Variants in IPO8 observed in about 807,000 individuals in gnomAD.
The protein encoded by IPO8 is importin-8.
Under a neutral mutation model 141.2 loss-of-function variants are expected in IPO8, and 65 were observed. That is an observed-to-expected ratio of 0.46 (90% CI 0.38 to 0.57). The LOEUF (loss-of-function observed/expected upper bound fraction) is 0.57, where lower values mean the gene tolerates loss of function less well. Among genes scored for constraint, IPO8 ranks in the 20% least tolerant of loss-of-function variants. The pLI is 0.00. For missense variants in IPO8, 980 were observed against 1,246.8 expected (o/e 0.79, Z 3.22); for synonymous variants, 411 against 420.3 (o/e 0.98, Z 0.27).
chr12:30,673,088 C>T (rs1202054317), intron 8 of IPO8, among the ~76,000 whole-genome samples: 4 of 152,090 alleles, frequency 2.6e-5, no homozygotes, highest in Non-Finnish European at 5.9e-5. Context: ...GAAACCCCAC[C>T]TCTACCCAAA....
At chr12:30,658,407 C>A (rs1284014739) in intron 16 of IPO8, among the ~76,000 whole-genome samples, 1 of 152,150 alleles carries the variant, frequency 6.6e-6, no homozygotes, top group Non-Finnish European at 1.5e-5. Context: ...CTTGGTAAAG[C>A]CATTTAGCTG....
At chr12:30,650,413 G>A (rs2052709985) in intron 19 of IPO8, among the ~76,000 whole-genome samples, 1 of 152,054 alleles carries the variant, frequency 6.6e-6, no homozygotes, top group South Asian at 2.1e-4. Flanking sequence ...ATAGTGAGCT[G>A]AATGATAAGC....
chr12:30,632,040 A>G (rs753103872), intron 23 of IPO8, 29 bp from the exon 24 acceptor site: 2 of 1,445,998 alleles, frequency 1.4e-6, no homozygotes, highest in Non-Finnish European at 1.9e-6. Context: ...AAAAGACAGG[A>G]GGGTACAGCG....
chr12:30,695,080 T>C lies in IPO8; in HGVS notation c.84+484A>G. On this transcript the variant is annotated intron_variant, in intron 1 of 24. Coordinates refer to ENST00000256079, the MANE Select transcript of IPO8 (RefSeq NM_006390.4). The surrounding 1 kb of genome is among the most constrained non-coding windows in gnomAD (Gnocchi z 4.2). The stretch of plus-strand genomic sequence containing the variant: ...CCAGCGCTCCGCAAAACTCGGCCAA[T>C]CGGTGTCAAAACAGTCCTGCCAACC... 2.2e-6 allele frequency: 1 copy of C among 455,324 alleles called. No homozygotes were observed. The highest frequency in any genetic ancestry group is 1.6e-5 in the South Asian group (1 of 64,188). The allele number at this position is 455,324 out of a possible 1,614,324, so 28.2% of individuals were successfully genotyped here.
chr12:30,638,988 G>T (rs2052541415), intron 21 of IPO8, among the ~76,000 whole-genome samples: 1 of 152,062 alleles, frequency 6.6e-6, no homozygotes, highest in Non-Finnish European at 1.5e-5. Context: ...TCCTATTTTT[G>T]AAAACTAGGA....
Position 30,630,780 on chromosome 12 carries a change from C to A in IPO8, c.*80G>T. ...CAGGAGGGCCCTAAAAGCAGCCCCT[C>A]ATTTCATCCCCTTGACCCTCACACT... On this transcript the variant is annotated 3_prime_UTR_variant, in exon 25 of 25. Transcript: ENST00000256079. The A allele has an allele frequency of 1.7e-6, 2 of 1,155,236 alleles. No homozygotes were observed. The highest frequency in any genetic ancestry group is 2.7e-5 in the South Asian group (2 of 74,794). The allele number at this position is 1,155,236 out of a possible 1,614,324, so 71.6% of individuals were successfully genotyped here.
At chr12:30,692,035 G>A (rs1175830419) in intron 1 of IPO8, among the ~76,000 whole-genome samples, 2 of 152,120 alleles carry the variant, frequency 1.3e-5, no homozygotes, top group African/African-American at 4.8e-5. Context: ...TTGATAGGAG[G>A]CAAAATTAAC....
intron 12 of IPO8, among the ~76,000 whole-genome samples, chr12:30,665,511 C>A (rs562727986): frequency 6.6e-6 from 1 of 152,144 alleles, no homozygotes; most frequent in South Asian, 2.1e-4. Context: ...ACATAAGATA[C>A]TTTGTATCCC....
At chr12:30,689,410 A>C (rs2053270594) in intron 2 of IPO8, among the ~76,000 whole-genome samples, 1 of 152,204 alleles carries the variant, frequency 6.6e-6, no homozygotes. Context: ...AAGATGAAAC[A>C]AGTGCCAATT....
chr12:30,682,943 T>C (rs1014415758), intron 3 of IPO8, among the ~76,000 whole-genome samples: 1 of 152,090 alleles, frequency 6.6e-6, no homozygotes, highest in African/African-American at 2.4e-5. Flanking sequence ...CAGAGAACCG[T>C]CCCGTAATAA....
Position 30,665,264 on chromosome 12 carries a change from C to T in IPO8, c.1384G>A (p.Val462Ile), listed in dbSNP as rs1363451211. ...AGGTTAGACAATAATAATGGAAATA[C>T]ATGATTTTGTAGAAACAGCTCCATT... ...DQMELFLQNH[V>I]FPLLLSNLGY... The change falls in exon 13 of 25, where the codon GTA becomes ATA. Residue 462 changes from valine (V) to isoleucine (I), a missense_variant. Transcript: ENST00000256079. 1.9e-6 allele frequency: 3 copies of T among 1,600,428 alleles called. No individual in the cohort carries two copies. The highest frequency in any genetic ancestry group is 1.7e-6 in the Non-Finnish European group (2 of 1,170,642).
In IPO8 at chr12:30,695,191, CTG is replaced by C. The variant is rs1196153908; in HGVS notation, c.84+371_84+372del. 1 of 391,644 alleles carries C rather than the reference CTG, an allele frequency of 2.6e-6. No homozygotes were observed. Among genetic ancestry groups the C allele is most frequent in the Non-Finnish European group, 4.9e-6 (1 of 204,986 alleles). The allele number at this position is 391,644 out of a possible 1,614,324, so 24.3% of individuals were successfully genotyped here. ...GAAAAAAGCTGAACTCAGATTTGAACTGTAAGTAAAATTCCCACCTGCTCCCC... is the reference window on the plus strand; with the variant it reads ...GAAAAAAGCTGAACTCAGATTTGAACTAAGTAAAATTCCCACCTGCTCCCC... On this transcript the variant is annotated intron_variant, in intron 1 of 24. Transcript: ENST00000256079. This position sits in a 1 kb window ranked among gnomAD's most constrained non-coding sequence, Gnocchi z 4.2.
At chr12:30,677,484 CCTT>C (rs545572952) in intron 5 of IPO8, among the ~76,000 whole-genome samples, 17 of 152,144 alleles carry the variant, frequency 1.1e-4, no homozygotes, top group Middle Eastern at 3.4e-3. Flanking sequence ...AGAGTGTACT[CCTT>C]CTACTTTTTT....
chr12:30,638,381 C>G (rs1403387055), intron 21 of IPO8, among the ~76,000 whole-genome samples: 1 of 152,142 alleles, frequency 6.6e-6, no homozygotes, highest in Non-Finnish European at 1.5e-5. Flanking sequence ...ACACGCATAG[C>G]AGCTTGTAAA....
At position 30,681,663 on chromosome 12, in the gene IPO8, A is replaced by G. The variant is rs1565509378; in HGVS notation, c.478T>C (p.Tyr160His). The change falls in exon 4 of 25, where the codon TAT becomes CAT. Residue 160 changes from tyrosine to histidine, a missense_variant. Around this residue, in one of 3 missense-constraint regions of IPO8, gnomAD observed 924 missense variants for 1,153.9 expected, o/e 0.80. Coordinates refer to ENST00000256079, the MANE Select transcript of IPO8 (RefSeq NM_006390.4). ...AGCCAATGGAAACCAACTTACTCAT[A>G]TGTCTTCACCAGTTGATACAGGCAT... ...LLCLYQLVKT[Y>H]EYKKAEEREP... 1 of 1,610,336 alleles carries G rather than the reference A, an allele frequency of 6.2e-7. No homozygotes were observed. Among genetic ancestry groups the G allele is most frequent in the Admixed American group, 1.7e-5 (1 of 59,168 alleles).
At chr12:30,680,786 A>T (rs2053181407) in intron 4 of IPO8, 148 bp from the exon 5 acceptor site, 1 of 612,656 alleles carries the variant, frequency 1.6e-6, no homozygotes, top group Non-Finnish European at 2.7e-6. Context: ...TGCTAGAATT[A>T]AGTTGAAAAG....
rs2053283978 is a variant in IPO8 at position 30,690,719 on chromosome 12, A to T, written c.85-142T>A. 5.9e-6 allele frequency: 3 copies of T among 511,964 alleles called. No individual in the cohort carries two copies. The Admixed American group carries it at 1.0e-4, about 18-fold the overall frequency. The allele number at this position is 511,964 out of a possible 1,614,324, so 31.7% of individuals were successfully genotyped here. A position where few individuals can be genotyped will look rare whatever the true frequency, so the allele number is the denominator to read the frequency against. On this transcript the variant is annotated intron_variant, in intron 1 of 24. Coordinates refer to ENST00000256079, the MANE Select transcript of IPO8 (RefSeq NM_006390.4). ...ACAAACCCTTCAAGGCAAAATGAAG[A>T]TTACTAAAATACTTCAAGTCAAAAA...
Position 30,681,651 on chromosome 12 carries a change from C to T in IPO8, c.482+8G>A. 1 of 1,604,866 alleles carries T rather than the reference C, an allele frequency of 6.2e-7. No individual in the cohort carries two copies. Among genetic ancestry groups the T allele is most frequent in the South Asian group, 1.1e-5 (1 of 89,354 alleles). On this transcript the variant is annotated splice_region_variant and intron_variant, in intron 4 of 24. Coordinates refer to ENST00000256079, the MANE Select transcript of IPO8 (RefSeq NM_006390.4). ...GCTGCTTTCTTCAGCCAATGGAAAC[C>T]AACTTACTCATATGTCTTCACCAGT...
In IPO8 at chr12:30,652,287, T is replaced by C. The variant is rs762290869; in HGVS notation, c.2077A>G (p.Met693Val). ...ACATAATTATGCAGGAGAGGCATCA[T>C]GTCTGAAAAAAAATCAAAATCCCAA... Reference protein sequence around the residue: ...QQDCFEYFTDMMPLLHNYVTI... With the variant: ...QQDCFEYFTDVMPLLHNYVTI... Residue 693 changes from methionine to valine, a missense_variant and splice_region_variant, in exon 19 of 25, where the codon ATG (methionine) becomes GTG (valine). Transcript: ENST00000256079. 2 of 1,580,500 alleles carry C rather than the reference T, an allele frequency of 1.3e-6. No homozygotes were observed. The highest frequency in any genetic ancestry group is 1.7e-6 in the Non-Finnish European group (2 of 1,153,630).
Sources: allele counts gnomAD v4.1 joint callset (sites outside exome capture counted in the v4.1 genomes callset), GRCh38; gene constraint gnomAD v4.1.1; regional missense constraint gnomAD v4.1.1; non-coding constraint Gnocchi (gnomAD v3.1); transcripts MANE v1.5; gene names NCBI Gene and HGNC (gene_info 2026-07-23, HGNC 2026-07-21).